Variants in SEMA6D observed in about 807,000 individuals in gnomAD.
SEMA6D encodes the protein semaphorin-6D.
Under a neutral mutation model 106.6 loss-of-function variants are expected in SEMA6D, and 35 were observed. That is an observed-to-expected ratio of 0.33 (90% CI 0.25 to 0.44). SEMA6D has a LOEUF of 0.44. Among genes scored for constraint, SEMA6D ranks in the 20% least tolerant of loss-of-function variants. The pLI, the probability that SEMA6D is intolerant of heterozygous loss-of-function variation, is 1.00. For synonymous variants in SEMA6D, 499 were observed against 487.7 expected, an observed-to-expected ratio of 1.02 and a Z score of -0.31; for missense variants, 1,185 against 1,345.9, an observed-to-expected ratio of 0.88 and a Z score of 1.87.
chr15:47,669,802 T>C (rs1285574649), intron 4 of SEMA6D, among the ~76,000 whole-genome samples: 2 of 152,200 alleles, frequency 1.3e-5, no homozygotes, highest in Non-Finnish European at 2.9e-5. Flanking sequence ...TCATGTGGTC[T>C]ACAACAAACC....
At chr15:47,452,270 C>G (rs918907704) in intron 2 of SEMA6D, among the ~76,000 whole-genome samples, 2 of 151,446 alleles carry the variant, frequency 1.3e-5, no homozygotes, top group Admixed American at 1.3e-4. Context: ...CTTATAGAAA[C>G]CTATCATCAC....
intron 1 of SEMA6D, among the ~76,000 whole-genome samples, chr15:47,197,768 A>T (rs950172117): frequency 6.6e-6 from 1 of 152,124 alleles, no homozygotes; most frequent in African/African-American, 2.4e-5. Context: ...CTTGATATGG[A>T]GATCTGTATT....
At chr15:47,579,190 G>A (rs1201822211) in intron 3 of SEMA6D, among the ~76,000 whole-genome samples, 1 of 150,188 alleles carries the variant, frequency 6.7e-6, no homozygotes, top group East Asian at 1.9e-4. Flanking sequence ...TACCCAGGCT[G>A]GAGTGCAGTG....
chr15:47,468,012 A>G (rs2042715056), intron 2 of SEMA6D, among the ~76,000 whole-genome samples: 1 of 152,146 alleles, frequency 6.6e-6, no homozygotes, highest in Admixed American at 6.6e-5. Flanking sequence ...TGCTTGGTGA[A>G]GCATAGGCCA....
At chr15:47,581,905 G>T (rs2076260778) in intron 3 of SEMA6D, among the ~76,000 whole-genome samples, 2 of 6,498 alleles carry the variant, frequency 3.1e-4, no homozygotes, top group South Asian at 0.33. Context: ...TTTCTCATGG[G>T]AATAGATATA....
At chr15:47,273,885 C>A (rs1345371992) in intron 1 of SEMA6D, among the ~76,000 whole-genome samples, 1 of 152,164 alleles carries the variant, frequency 6.6e-6, no homozygotes, top group Non-Finnish European at 1.5e-5. Flanking sequence ...AAGTGATAGG[C>A]ATAGTGGGGA....
intron 1 of SEMA6D, among the ~76,000 whole-genome samples, chr15:47,256,704 C>T (rs1033482805): frequency 1.3e-5 from 2 of 151,844 alleles, no homozygotes; most frequent in African/African-American, 4.8e-5. Flanking sequence ...ACTAAAAATA[C>T]AAAAATTAGC....
chr15:47,279,669 T>C (rs1002942364), intron 1 of SEMA6D, among the ~76,000 whole-genome samples: 1 of 152,116 alleles, frequency 6.6e-6, no homozygotes, highest in African/African-American at 2.4e-5. Context: ...GGGTTTGTCA[T>C]AGGTAGCTCT....
chr15:47,220,375 G>T (rs185398973), intron 1 of SEMA6D, among the ~76,000 whole-genome samples: 1 of 152,136 alleles, frequency 6.6e-6, no homozygotes, highest in Non-Finnish European at 1.5e-5. Context: ...ATATACAATG[G>T]TTTATTTGTA....
chr15:47,436,796 T>C (rs1381455289), intron 2 of SEMA6D, among the ~76,000 whole-genome samples: 1 of 145,058 alleles, frequency 6.9e-6, no homozygotes, highest in Non-Finnish European at 1.5e-5. Context: ...TAGCTGGAAG[T>C]GGTGGTGCAT....
chr15:47,408,457 A>G (rs563119723), intron 1 of SEMA6D, among the ~76,000 whole-genome samples: 13 of 152,328 alleles, frequency 8.5e-5, no homozygotes, highest in South Asian at 8.3e-4. Flanking sequence ...ACTTCCTTCT[A>G]TATCACACTA....
chr15:47,300,329 A>G (rs1262489310), intron 1 of SEMA6D, among the ~76,000 whole-genome samples: 3 of 151,856 alleles, frequency 2.0e-5, no homozygotes, highest in Non-Finnish European at 4.4e-5. Context: ...AAAAAGGGAA[A>G]TGGAGAGTTT....
intron 1 of SEMA6D, among the ~76,000 whole-genome samples, chr15:47,383,677 C>T (rs974741603): frequency 2.6e-5 from 4 of 152,282 alleles, no homozygotes; most frequent in African/African-American, 7.2e-5. Flanking sequence ...ATTAAAATCA[C>T]CCCATTTTGT....
chr15:47,450,625 A>G (rs1224731670), intron 2 of SEMA6D, among the ~76,000 whole-genome samples: 2 of 152,076 alleles, frequency 1.3e-5, no homozygotes, highest in Non-Finnish European at 2.9e-5. Flanking sequence ...TGGATATCTC[A>G]TAAGGTGACC....
At chr15:47,446,907 A>C (rs1386082001) in intron 2 of SEMA6D, among the ~76,000 whole-genome samples, 3 of 152,140 alleles carry the variant, frequency 2.0e-5, no homozygotes, top group Non-Finnish European at 4.4e-5. Flanking sequence ...ATGCATTATA[A>C]AATGTATTTC....
intron 9 of SEMA6D, among the ~76,000 whole-genome samples, chr15:47,763,437 A>C (rs2082170473): frequency 6.6e-6 from 1 of 152,190 alleles, no homozygotes; most frequent in South Asian, 2.1e-4. Flanking sequence ...CAGCGTCAAA[A>C]GACAGGATAG....
chr15:47,582,240 G>T (rs757066258), intron 3 of SEMA6D, among the ~76,000 whole-genome samples: 2 of 152,202 alleles, frequency 1.3e-5, no homozygotes, highest in Admixed American at 6.5e-5. Flanking sequence ...GTCAGCGGAT[G>T]TCCAGAGTGC....
chr15:47,488,278 A>G (rs1025811486), intron 3 of SEMA6D, among the ~76,000 whole-genome samples: 4 of 152,238 alleles, frequency 2.6e-5, no homozygotes, highest in Middle Eastern at 3.4e-3. Flanking sequence ...CCCAGCTGTC[A>G]ACAGTTGGGA....
chr15:47,559,998 G>A (rs2142645096), intron 3 of SEMA6D, among the ~76,000 whole-genome samples: 1 of 152,204 alleles, frequency 6.6e-6, no homozygotes, highest in South Asian at 2.1e-4. Flanking sequence ...TGATAATACT[G>A]AGTAGGAACA....
Sources: gnomAD v4.1 joint callset for allele counts (sites outside exome capture counted in the v4.1 genomes callset) on GRCh38, gnomAD v4.1.1 for gene constraint, MANE v1.5 for transcripts, NCBI Gene and HGNC (gene_info 2026-07-23, HGNC 2026-07-21) for gene names.